Variants in KCTD16 observed in about 807,000 individuals in gnomAD.
The protein encoded by KCTD16 is potassium channel tetramerization domain containing 16.
A neutral mutation model predicts 33.2 loss-of-function variants in KCTD16; 13 were observed. The observed-to-expected ratio is 0.39, with a 90% CI of 0.25 to 0.62. The LOEUF (loss-of-function observed/expected upper bound fraction) is 0.62, where lower values mean the gene tolerates loss of function less well. KCTD16 is among the 20% of genes least tolerant of loss of function. KCTD16 has a pLI of 0.50. For synonymous variants in KCTD16, 197 were observed against 195.3 expected, an observed-to-expected ratio of 1.01 and a Z score of -0.07; for missense variants, 441 against 525.1, an observed-to-expected ratio of 0.84 and a Z score of 1.57.
intron 3 of KCTD16, among the ~76,000 whole-genome samples, chr5:144,347,007 T>C (rs1752820913): frequency 6.6e-6 from 1 of 152,210 alleles, no homozygotes; most frequent in Non-Finnish European, 1.5e-5. Flanking sequence ...TTTAAGTCTT[T>C]AATCATTTTG....
chr5:144,196,552 G>C (rs962429990), intron 2 of KCTD16, among the ~76,000 whole-genome samples: 6 of 152,036 alleles, frequency 3.9e-5, no homozygotes, highest in Non-Finnish European at 7.4e-5. Flanking sequence ...TCTATGTCCT[G>C]TATTATGGCA....
In KCTD16 at chr5:144,482,866, A is replaced by G. The variant is rs1754732360; in HGVS notation, c.*8752A>G. 1 of 151,780 alleles carries G rather than the reference A, an allele frequency of 6.6e-6. No homozygotes were observed. Among genetic ancestry groups the G allele is most frequent in the East Asian group, 1.9e-4 (1 of 5,146 alleles). The allele number at this position is 151,780 out of a possible 1,614,324, so 9.4% of individuals were successfully genotyped here. A position where few individuals can be genotyped will look rare whatever the true frequency, so the allele number is the denominator to read the frequency against. ...AAAGCTCATAGTTTAAAACTTTGGAATTTTCAGTTTGGAGAACTTATTATT... is the reference window on the plus strand; with the variant it reads ...AAAGCTCATAGTTTAAAACTTTGGAGTTTTCAGTTTGGAGAACTTATTATT... On this transcript the variant is annotated 3_prime_UTR_variant, in exon 4 of 4. Transcript: ENST00000512467.
chr5:144,359,982 A>G (rs1330917049), intron 3 of KCTD16, among the ~76,000 whole-genome samples: 1 of 152,166 alleles, frequency 6.6e-6, no homozygotes, highest in African/African-American at 2.4e-5. Context: ...GCCCTGGTCC[A>G]TACCCAGAAT....
chr5:144,299,895 A>AT (rs1200713876), intron 3 of KCTD16, among the ~76,000 whole-genome samples: 1 of 127,182 alleles, frequency 7.9e-6, no homozygotes, highest in African/African-American at 3.2e-5. Context: ...CACCAGAATC[A>AT]TTTAAAAAAA....
chr5:144,309,902 G>A (rs1283981895), intron 3 of KCTD16, among the ~76,000 whole-genome samples: 1 of 152,080 alleles, frequency 6.6e-6, no homozygotes, highest in Admixed American at 6.6e-5. Flanking sequence ...TGTATACGGT[G>A]CAGTTTATTT....
At chr5:144,355,214 C>CT (rs921747690) in intron 3 of KCTD16, among the ~76,000 whole-genome samples, 33 of 151,408 alleles carry the variant, frequency 2.2e-4, no homozygotes, top group Admixed American at 1.1e-3. Flanking sequence ...CAATATCAAC[C>CT]TTTTTTTTTG....
intron 3 of KCTD16, among the ~76,000 whole-genome samples, chr5:144,361,101 G>C (rs1751702652): frequency 1.5e-5 from 2 of 130,178 alleles, no homozygotes; most frequent in Admixed American, 9.6e-5. Context: ...TCCCCTTCCT[G>C]TGTCCATGTG....
intron 3 of KCTD16, among the ~76,000 whole-genome samples, chr5:144,419,546 TCTG>T (rs1248100925): frequency 6.6e-6 from 1 of 152,138 alleles, no homozygotes; most frequent in East Asian, 1.9e-4. Flanking sequence ...TTCTTCCTCT[TCTG>T]CTGCTGGAGG....
chr5:144,465,174 C>A (rs1580985413), intron 3 of KCTD16, among the ~76,000 whole-genome samples: 3 of 108,978 alleles, frequency 2.8e-5, no homozygotes, highest in African/African-American at 3.7e-5. Flanking sequence ...CATACATAGT[C>A]TCTCTCTCCC....
intron 3 of KCTD16, among the ~76,000 whole-genome samples, chr5:144,234,527 G>A (rs540870731): frequency 2.6e-4 from 40 of 152,230 alleles, no homozygotes; most frequent in African/African-American, 9.1e-4. Flanking sequence ...CACAGTGGCT[G>A]TTTGGTGACA....
chr5:144,316,498 T>C (rs1056767137), intron 3 of KCTD16, among the ~76,000 whole-genome samples: 3 of 150,196 alleles, frequency 2.0e-5, no homozygotes, highest in African/African-American at 7.4e-5. Context: ...TTCCCATTTT[T>C]GTTTTTTGTC....
intron 3 of KCTD16, among the ~76,000 whole-genome samples, chr5:144,331,103 G>T (rs568727135): frequency 1.3e-5 from 2 of 152,318 alleles, no homozygotes; most frequent in East Asian, 3.9e-4. Context: ...TAGAGCAAAA[G>T]CATGGAGTTA....
intron 3 of KCTD16, among the ~76,000 whole-genome samples, chr5:144,324,259 A>T (rs182340879): frequency 1.3e-5 from 2 of 152,252 alleles, no homozygotes; most frequent in East Asian, 3.9e-4. Context: ...TGCATGTTTA[A>T]TTTCTACCTT....
intron 2 of KCTD16, among the ~76,000 whole-genome samples, chr5:144,198,804 G>C (rs1402756708): frequency 2.6e-5 from 4 of 152,138 alleles, no homozygotes; most frequent in African/African-American, 9.7e-5. Flanking sequence ...AGAGTTCTGA[G>C]TATCACTTTA....
intron 3 of KCTD16, among the ~76,000 whole-genome samples, chr5:144,414,257 A>G (rs1348080872): frequency 6.6e-6 from 1 of 152,154 alleles, no homozygotes; most frequent in East Asian, 1.9e-4. Flanking sequence ...GACATTGTAT[A>G]GTATTATAAA....
At chr5:144,319,239 T>C (rs1159968061) in intron 3 of KCTD16, among the ~76,000 whole-genome samples, 8 of 152,164 alleles carry the variant, frequency 5.3e-5, no homozygotes, top group Admixed American at 5.2e-4. Context: ...TCAGAATCCA[T>C]TGGGAAAAGT....
intron 2 of KCTD16, among the ~76,000 whole-genome samples, chr5:144,197,034 A>G (rs1185346921): frequency 1.3e-5 from 2 of 152,196 alleles, no homozygotes; most frequent in African/African-American, 4.8e-5. Context: ...GTGTCTATGT[A>G]GGTCAATCAT....
chr5:144,417,543 T>G (rs1262682684), intron 3 of KCTD16, among the ~76,000 whole-genome samples: 2 of 152,180 alleles, frequency 1.3e-5, no homozygotes, highest in Non-Finnish European at 2.9e-5. Flanking sequence ...TGCAGTATTT[T>G]CTCCCATTCT....
intron 3 of KCTD16, among the ~76,000 whole-genome samples, chr5:144,381,567 C>G (rs778857879): frequency 4.6e-5 from 7 of 152,030 alleles, no homozygotes; most frequent in Non-Finnish European, 8.8e-5. Flanking sequence ...AGGCATGTCA[C>G]ATGGCAAAAG....
Sources: allele counts gnomAD v4.1 joint callset (sites outside exome capture counted in the v4.1 genomes callset), GRCh38; gene constraint gnomAD v4.1.1; transcripts MANE v1.5; gene names NCBI Gene and HGNC (gene_info 2026-07-23, HGNC 2026-07-21).